RPAIN: variants seen among roughly 807,000 people sequenced by gnomAD.
The protein encoded by RPAIN is RPA interacting protein, also known as RPA-interacting protein.
Under a neutral mutation model 30.5 loss-of-function variants are expected in RPAIN, and 29 were observed. The observed-to-expected ratio is 0.95, with a 90% CI of 0.71 to 1.30. The LOEUF (loss-of-function observed/expected upper bound fraction) is 1.30, where lower values mean the gene tolerates loss of function less well. RPAIN is among the 50% of genes most tolerant of loss of function. The probability of loss-of-function intolerance (pLI) is 0.00; values close to 1 mark genes in which losing one functional copy is unlikely to be tolerated. For missense variants in RPAIN, 247 were observed against 264.7 expected, an observed-to-expected ratio of 0.93 and a Z score of 0.46; for synonymous variants, 101 against 93.5, an observed-to-expected ratio of 1.08 and a Z score of -0.46.
At chr17:5,422,723 G>A (rs1914989408) in intron 2 of RPAIN, 46 bp from the exon 3 acceptor site, 4 of 1,556,950 alleles carry the variant, frequency 2.6e-6, no homozygotes, top group African/African-American at 1.4e-5. Flanking sequence ...GGGCTTGGTT[G>A]GTGATTAATA....
intron 1 of RPAIN, among the ~76,000 whole-genome samples, 153 bp downstream of exon 1, chr17:5,420,444 G>C (rs1477946158): frequency 6.6e-6 from 1 of 152,160 alleles, no homozygotes; most frequent in Non-Finnish European, 1.5e-5. Context: ...TGTGGGATTA[G>C]CCCGGGTCGG....
chr17:5,431,814 G>A (rs1021871005), intron 6 of RPAIN: 48 of 360,886 alleles, frequency 1.3e-4, no homozygotes, highest in African/African-American at 1.3e-4. Flanking sequence ...CAGAGTTACA[G>A]TGTCTTTTAG....
intron 3 of RPAIN, 191 bp downstream of exon 3, chr17:5,423,020 C>A (rs1054076145): frequency 7.5e-6 from 4 of 535,996 alleles, no homozygotes; most frequent in Non-Finnish European, 1.3e-5. Flanking sequence ...GGGTGCTAGA[C>A]CTTGTGCTAA....
At chr17:5,429,865 C>A (rs1915736069) in intron 6 of RPAIN, 1 of 810,564 alleles carries the variant, frequency 1.2e-6, no homozygotes, top group Non-Finnish European at 1.5e-6. Flanking sequence ...CCTGATTCCT[C>A]ACAAGGAATT....
intron 3 of RPAIN, among the ~76,000 whole-genome samples, chr17:5,424,004 T>TTTTA (rs1470761412): frequency 6.6e-6 from 1 of 151,230 alleles, no homozygotes; most frequent in African/African-American, 2.4e-5. Flanking sequence ...TTTTTTTTTT[T>TTTTA]TGAGATAGGT....
At chr17:5,421,258 C>CTTTTTTTTTTTTTT in intron 1 of RPAIN, 38 bp from the exon 2 acceptor site, 1 of 1,500,992 alleles carries the variant, frequency 6.7e-7, no homozygotes, top group Non-Finnish European at 9.0e-7. Context: ...AATAGAAATG[C>CTTTTTTTTTTTTTT]TTTTTTTTTC....
chr17:5,420,261 C>T lies in RPAIN; in HGVS notation c.51C>T (p.Gly17=). 4 of 1,613,634 alleles carry T rather than the reference C, an allele frequency of 2.5e-6. No individual in the cohort carries two copies. The highest frequency in any genetic ancestry group is 3.4e-6 in the Non-Finnish European group (4 of 1,179,940). ...GCCGCTCCCTGTACAAACTGGTGGG[C>T]TCGCCGCCTTGGAAAGAGGCTTTCC... ...SPRRSLYKLV[G]SPPWKEAFRQ... Residue 17 remains glycine, a synonymous_variant, in exon 1 of 7, where the codon GGC becomes GGT. Coordinates refer to ENST00000381209, the MANE Select transcript of RPAIN (RefSeq NM_001033002.4).
intron 6 of RPAIN, chr17:5,430,224 GGAGGCT>G (rs1377387811): frequency 6.6e-6 from 1 of 151,654 alleles, no homozygotes; most frequent in Non-Finnish European, 1.5e-5. Context: ...CCACACTTTG[GGAGGCT>G]GAGGCGGTCG....
intron 2 of RPAIN, among the ~76,000 whole-genome samples, chr17:5,422,451 G>A (rs1328736320): frequency 2.0e-5 from 3 of 152,102 alleles, no homozygotes; most frequent in Non-Finnish European, 4.4e-5. Flanking sequence ...ACTTTACAGA[G>A]GCCAAAACTG....
chr17:5,425,763 C>T (rs1472238798), intron 3 of RPAIN, among the ~76,000 whole-genome samples: 2 of 152,178 alleles, frequency 1.3e-5, no homozygotes, highest in African/African-American at 2.4e-5. Context: ...TACTTCACCT[C>T]TTGTGCTCAC....
intron 6 of RPAIN, chr17:5,429,325 C>A (rs1915691367): frequency 2.0e-6 from 2 of 985,244 alleles, no homozygotes; most frequent in Non-Finnish European, 1.2e-6. Flanking sequence ...AGTGGAAGAT[C>A]CCCACATAGA....
At chr17:5,422,216 G>A (rs575065852) in intron 2 of RPAIN, among the ~76,000 whole-genome samples, 3 of 152,170 alleles carry the variant, frequency 2.0e-5, no homozygotes, top group African/African-American at 7.2e-5. Flanking sequence ...ACTTCAGTTT[G>A]CCTCTTTGAG....
chr17:5,425,328 A>G (rs995031286), intron 3 of RPAIN: 2 of 455,142 alleles, frequency 4.4e-6, no homozygotes, highest in Non-Finnish European at 8.8e-6. Flanking sequence ...GGCATCAGAA[A>G]TCAGTTCTCT....
At position 5,422,793 on chromosome 17, in the gene RPAIN, G is replaced by A; in HGVS notation, c.277G>A (p.Val93Met). 6.2e-7 allele frequency: 1 copy of A among 1,613,368 alleles called. No individual in the cohort carries two copies. The highest frequency in any genetic ancestry group is 1.1e-5 in the South Asian group (1 of 91,004). Residue 93 changes from valine (V) to methionine (M), a missense_variant, in exon 3 of 7, where the codon GTG (valine) becomes ATG (methionine). Physicochemically the swap from Val to Met is conservative, Grantham distance 21. Transcript: ENST00000381209. ...AQLEELIDMA[V>M]LEEIQQELIN... The stretch of plus-strand genomic sequence containing the variant: ...GCTGGAGGAGCTGATAGACATGGCT[G>A]TGCTGGAGGAAATTCAACAGGAGCT...
chr17:5,422,871 C>G (rs765983797), intron 3 of RPAIN, 42 bp downstream of exon 3: 28 of 1,444,394 alleles, frequency 1.9e-5, no homozygotes, highest in Non-Finnish European at 2.6e-5. Context: ...TATTTAGCTA[C>G]TGGAATACTG....
rs150231030 is a variant in RPAIN at position 5,426,729 on chromosome 17, C to T, written c.489+430C>T. 9.2e-3 allele frequency: 1,284 copies of T among 138,924 alleles called. 9 individuals carry two copies. The highest frequency in any genetic ancestry group is 0.015 in the Non-Finnish European group (965 of 65,410). 8.6% of individuals were successfully genotyped at this position (138,924 alleles called of 1,614,324 possible). On this transcript the variant is annotated intron_variant, in intron 5 of 6. Transcript: ENST00000381209. Reference sequence around the variant, plus strand: ...GATTTAGGCTCACTGCAACCTCTGCCTTGCGGGTTCAAGTCATTCTCCTGC... The same window carrying T: ...GATTTAGGCTCACTGCAACCTCTGCTTTGCGGGTTCAAGTCATTCTCCTGC...
intron 5 of RPAIN, chr17:5,427,469 T>A (rs1298701371): frequency 6.5e-6 from 1 of 152,904 alleles, no homozygotes; most frequent in Non-Finnish European, 1.5e-5. Flanking sequence ...ACTTCTATAA[T>A]ACATAGTCCA....
At chr17:5,428,397 G>A in intron 6 of RPAIN, 186 bp downstream of exon 6, 1 of 1,481,422 alleles carries the variant, frequency 6.8e-7, no homozygotes, top group Non-Finnish European at 8.9e-7. Context: ...CAGAAAGAAG[G>A]GAAGAGGCAG....
intron 1 of RPAIN, 38 bp from the exon 2 acceptor site, chr17:5,421,258 C>CTTTTTT: frequency 6.7e-7 from 1 of 1,500,992 alleles, no homozygotes; most frequent in Non-Finnish European, 9.0e-7. Flanking sequence ...AATAGAAATG[C>CTTTTTT]TTTTTTTTTC....
Sources: allele counts gnomAD v4.1 joint callset (sites outside exome capture counted in the v4.1 genomes callset), GRCh38; gene constraint gnomAD v4.1.1; transcripts MANE v1.5; gene names NCBI Gene and HGNC (gene_info 2026-07-23, HGNC 2026-07-21).